Variants in FBXL7 observed in about 807,000 individuals in gnomAD.
FBXL7 encodes the protein F-box and leucine rich repeat protein 7.
FBXL7 carries 12 observed loss-of-function variants against 38.3 expected under a neutral mutation model. The observed-to-expected ratio is 0.31, with a 90% CI of 0.20 to 0.51. FBXL7 has a LOEUF of 0.51. Ranked by LOEUF, FBXL7 falls within the 20% of genes least tolerant of loss-of-function variation. The probability of loss-of-function intolerance (pLI) is 0.98; values close to 1 mark genes in which losing one functional copy is unlikely to be tolerated. For missense variants in FBXL7, 567 were observed against 676.4 expected, an observed-to-expected ratio of 0.84 and a Z score of 1.79; for synonymous variants, 297 against 300.9, an observed-to-expected ratio of 0.99 and a Z score of 0.13.
intron 2 of FBXL7, among the ~76,000 whole-genome samples, chr5:15,690,960 T>C (rs1412867915): frequency 6.6e-6 from 1 of 152,222 alleles, no homozygotes; most frequent in Non-Finnish European, 1.5e-5. Flanking sequence ...TTGAGGATGT[T>C]GGCACTCTAA....
At chr5:15,655,567 G>A (rs1172322745) in intron 2 of FBXL7, among the ~76,000 whole-genome samples, 1 of 152,034 alleles carries the variant, frequency 6.6e-6, no homozygotes, top group Non-Finnish European at 1.5e-5. Flanking sequence ...ATGTTTGTTA[G>A]CATGGTAAGC....
rs1741951623 is a variant in FBXL7, at chr5:15,928,386, C to G, written c.624C>G (p.Ala208=). 6.2e-7 allele frequency: 1 copy of G among 1,614,066 alleles called. No individual in the cohort carries two copies. The highest frequency in any genetic ancestry group is 8.5e-7 in the Non-Finnish European group (1 of 1,179,900). ...CAGACCGAGGGCTGTACACCATCGC[C>G]CAGTGCTGCCCCGAACTGAGGCGAC... ...RLTDRGLYTI[A]QCCPELRRLE... Residue 208 remains alanine, a synonymous_variant, in exon 3 of 4, where the codon GCC becomes GCG. Coordinates refer to ENST00000504595, the MANE Select transcript of FBXL7 (RefSeq NM_012304.5). This position sits in a 1 kb window ranked among gnomAD's most constrained non-coding sequence, Gnocchi z 4.0.
chr5:15,717,657 A>G (rs1744080003), intron 2 of FBXL7, among the ~76,000 whole-genome samples: 1 of 152,220 alleles, frequency 6.6e-6, no homozygotes, highest in Admixed American at 6.5e-5. Context: ...GCAAATGATT[A>G]TATAAAAATA....
At chr5:15,593,098 G>A (rs1739528526) in intron 1 of FBXL7, among the ~76,000 whole-genome samples, 1 of 152,172 alleles carries the variant, frequency 6.6e-6, no homozygotes, top group Non-Finnish European at 1.5e-5. Context: ...AGTGAAAAGT[G>A]GACAGACTGA....
At position 15,922,131 on chromosome 5, in the gene FBXL7, T is replaced by C. The variant is rs537720010; in HGVS notation, c.128-5759T>C. Among the ~76,000 whole-genome samples the C allele has an allele frequency of 4.0e-5, 6 of 151,014 alleles. No homozygotes were observed. The East Asian group carries it at 1.2e-3, about 29-fold the overall frequency. On this transcript the variant is annotated intron_variant, in intron 2 of 3. Transcript: ENST00000504595. ...GAAACTATTTTATATTTATGAAATATTATTTAGTATATAATATATACATAT... is the reference window on the plus strand; with the variant it reads ...GAAACTATTTTATATTTATGAAATACTATTTAGTATATAATATATACATAT...
chr5:15,931,899 G>A lies in FBXL7; in HGVS notation c.739+3398G>A, dbSNP rs116002954. ...GCATCCCCTGAATGTAGCCTTCCCCGGCTCACCCCCAGTGAGCTAAGGGTT... is the reference window on the plus strand; with the variant it reads ...GCATCCCCTGAATGTAGCCTTCCCCAGCTCACCCCCAGTGAGCTAAGGGTT... On this transcript the variant is annotated intron_variant, in intron 3 of 3. Coordinates refer to ENST00000504595, the MANE Select transcript of FBXL7 (RefSeq NM_012304.5). 4.7e-3 allele frequency among the ~76,000 whole-genome samples: 710 copies of A among 152,144 alleles called. 6 individuals are homozygous for A. Among genetic ancestry groups the A allele is most frequent in the African/African-American group, 0.016 (646 of 41,514 alleles).
chr5:15,639,537 C>T (rs1741291351), intron 2 of FBXL7, among the ~76,000 whole-genome samples: 1 of 151,968 alleles, frequency 6.6e-6, no homozygotes, highest in South Asian at 2.1e-4. Flanking sequence ...ATCATGAGGC[C>T]TCCCCAGCCA....
chr5:15,706,301 C>T (rs2126637785), intron 2 of FBXL7, among the ~76,000 whole-genome samples: 1 of 152,256 alleles, frequency 6.6e-6, no homozygotes, highest in South Asian at 2.1e-4. Context: ...CACCCCGCCA[C>T]CACCAACTCT....
chr5:15,870,900 G>A (rs975537640), intron 2 of FBXL7, among the ~76,000 whole-genome samples: 15 of 152,196 alleles, frequency 9.9e-5, no homozygotes, highest in Non-Finnish European at 1.9e-4. Context: ...AGACTTACAC[G>A]TTCCTTCCTG....
intron 2 of FBXL7, among the ~76,000 whole-genome samples, chr5:15,825,724 T>A (rs1211694358): frequency 6.6e-6 from 1 of 152,248 alleles, no homozygotes; most frequent in Non-Finnish European, 1.5e-5. Flanking sequence ...CTGGATACTA[T>A]CCCTGTTCTC....
At chr5:15,637,741 C>G (rs1244693735) in intron 2 of FBXL7, among the ~76,000 whole-genome samples, 1 of 152,170 alleles carries the variant, frequency 6.6e-6, no homozygotes, top group Non-Finnish European at 1.5e-5. Context: ...ATAATTTGCA[C>G]AGAATCATAC....
chr5:15,713,627 T>A (rs1328776020), intron 2 of FBXL7, among the ~76,000 whole-genome samples: 1 of 152,218 alleles, frequency 6.6e-6, no homozygotes, highest in African/African-American at 2.4e-5. Context: ...AACATGTCAG[T>A]AGCATGATTT....
At chr5:15,885,832 C>G (rs1450261681) in intron 2 of FBXL7, among the ~76,000 whole-genome samples, 1 of 152,124 alleles carries the variant, frequency 6.6e-6, no homozygotes, top group Non-Finnish European at 1.5e-5. Context: ...CCTCAGCCTC[C>G]TGAGTAGCTG....
chr5:15,559,518 C>T (rs1457683226), intron 1 of FBXL7, among the ~76,000 whole-genome samples: 2 of 152,096 alleles, frequency 1.3e-5, no homozygotes, highest in African/African-American at 4.8e-5. Flanking sequence ...GTGACTTGCC[C>T]CGAGTATTAT....
intron 2 of FBXL7, among the ~76,000 whole-genome samples, chr5:15,620,925 T>A (rs1300464478): frequency 6.6e-6 from 1 of 152,210 alleles, no homozygotes; most frequent in African/African-American, 2.4e-5. Flanking sequence ...CCAACCCTAA[T>A]GGTAAAGACA....
At chr5:15,672,963 A>G (rs1742530531) in intron 2 of FBXL7, among the ~76,000 whole-genome samples, 1 of 152,134 alleles carries the variant, frequency 6.6e-6, no homozygotes, top group African/African-American at 2.4e-5. Context: ...TGACCGTTCC[A>G]CCAGATTTTC....
intron 1 of FBXL7, among the ~76,000 whole-genome samples, chr5:15,521,702 G>T (rs571039879): frequency 6.6e-6 from 1 of 152,304 alleles, no homozygotes; most frequent in Non-Finnish European, 1.5e-5. Context: ...GATCCAAGAC[G>T]TGAAGATGAG....
chr5:15,724,537 C>G (rs1744289160), intron 2 of FBXL7, among the ~76,000 whole-genome samples: 1 of 152,108 alleles, frequency 6.6e-6, no homozygotes, highest in African/African-American at 2.4e-5. Context: ...CATGAATTCA[C>G]TTTTTTTCAC....
chr5:15,857,827 A>G (rs1033928021), intron 2 of FBXL7, among the ~76,000 whole-genome samples: 1 of 152,212 alleles, frequency 6.6e-6, no homozygotes, highest in African/African-American at 2.4e-5. Flanking sequence ...ACTAGCAGAC[A>G]TATGTGAAAA....
Sources: gnomAD v4.1 joint callset for allele counts (sites outside exome capture counted in the v4.1 genomes callset) on GRCh38, gnomAD v4.1.1 for gene constraint, Gnocchi (gnomAD v3.1) non-coding constraint, MANE v1.5 for transcripts, NCBI Gene and HGNC (gene_info 2026-07-23, HGNC 2026-07-21) for gene names.